The following AP5Z1 variants were observed in gnomAD, a reference collection of about 807,000 sequenced individuals.
AP5Z1 encodes the protein AP-5 complex subunit zeta-1.
A neutral mutation model predicts 83.0 loss-of-function variants in AP5Z1; 106 were observed. The observed-to-expected ratio is 1.28, with a 90% CI of 1.09 to 1.50. The LOEUF (loss-of-function observed/expected upper bound fraction) is 1.50. Ranked by LOEUF, AP5Z1 falls within the 40% of genes most tolerant of loss-of-function variation. AP5Z1 has a pLI of 0.00. For missense variants in AP5Z1, 1,565 were observed against 1,094.2 expected (o/e 1.43, Z -6.07); for synonymous variants, 751 against 514.1 (o/e 1.46, Z -6.23).
In AP5Z1 at chr7:4,783,737, C is replaced by G; in HGVS notation, c.560C>G (p.Ala187Gly). 6.4e-7 allele frequency: 1 copy of G among 1,550,728 alleles called. No individual in the cohort carries two copies. The highest frequency in any genetic ancestry group is 1.2e-5 in the South Asian group (1 of 84,076). The change falls in exon 5 of 17, where the codon GCC (alanine) becomes GGC (glycine). Residue 187 changes from alanine (A) to glycine (G), a missense_variant. By Grantham distance (60) the Ala-to-Gly change is moderately conservative (BLOSUM62 0). Coordinates refer to ENST00000649063, the MANE Select transcript of AP5Z1 (RefSeq NM_014855.3). The part of the protein sequence containing the change: ...SKRLVDWLRY[A>G]SLQQGLPHSG... Reference sequence around the variant, plus strand: ...CGGCTGGTCGACTGGCTGCGCTACGCCAGCCTCCAGCAAGGGCTCCCACAC... The same window carrying G: ...CGGCTGGTCGACTGGCTGCGCTACGGCAGCCTCCAGCAAGGGCTCCCACAC...
Position 4,789,837 on chromosome 7 carries a change from T to C in AP5Z1, c.1713T>C (p.Ala571=). The change falls in exon 14 of 17, where the codon GCT becomes GCC. Residue 571 remains alanine, a synonymous_variant. Coordinates refer to ENST00000649063, the MANE Select transcript of AP5Z1 (RefSeq NM_014855.3). ...QAFFSAVTQV[A]DGSLINQLAL... The stretch of plus-strand genomic sequence containing the variant: ...TTCCCACTCCTGACCCCCAGGTGGC[T>C]GACGGGTCCCTGATCAACCAGCTGG... 3.2e-6 allele frequency: 5 copies of C among 1,551,670 alleles called. No individual in the cohort carries two copies. Among genetic ancestry groups the C allele is most frequent in the Admixed American group, 2.0e-5 (1 of 51,208 alleles).
At position 4,789,683 on chromosome 7, in the gene AP5Z1, GTC is replaced by G. The variant is rs536984064; in HGVS notation, c.1708-145_1708-144del. The G allele has an allele frequency of 9.3e-4, 548 of 590,976 alleles. 1 individual carries two copies. The African/African-American group carries it at 9.4e-3, about 10-fold the overall frequency. The allele number at this position is 590,976 out of a possible 1,614,324, so 36.6% of individuals were successfully genotyped here. The stretch of plus-strand genomic sequence containing the variant: ...CCTGTGCCCGGATGCTGCCAGCTGA[GTC>G]TCTGTGTCCCTGGGTGTTGGGGAAG... On this transcript the variant is annotated intron_variant, in intron 13 of 16. Transcript: ENST00000649063.
At chr7:4,790,930 A>G in intron 16 of AP5Z1, 43 bp downstream of exon 16, 2 of 1,536,022 alleles carry the variant, frequency 1.3e-6, no homozygotes, top group African/African-American at 1.4e-5. Flanking sequence ...GCTCCTGGGG[A>G]AGAGAGGTGG....
At position 4,794,255 on chromosome 7, in the gene AP5Z1, C is replaced by G. The variant is rs1174214714; in HGVS notation, c.*2870C>G. The G allele has an allele frequency of 1.3e-5, 2 of 152,240 alleles. No homozygotes were observed. The highest frequency in any genetic ancestry group is 4.8e-5 in the African/African-American group (2 of 41,454). The allele number at this position is 152,240 out of a possible 1,614,324, so 9.4% of individuals were successfully genotyped here. A position where few individuals can be genotyped will look rare whatever the true frequency, so the allele number is the denominator to read the frequency against. On this transcript the variant is annotated 3_prime_UTR_variant, in exon 17 of 17. Coordinates refer to ENST00000649063, the MANE Select transcript of AP5Z1 (RefSeq NM_014855.3). ...CCCTGTCAAAACAGACCACTCGGCT[C>G]TACCAGTCAGCAGGATGTGGGTGGG...
At chr7:4,786,576 T>TG (rs1242022482) in intron 10 of AP5Z1, 148 bp downstream of exon 10, 1 of 855,964 alleles carries the variant, frequency 1.2e-6, no homozygotes, top group Non-Finnish European at 1.8e-6. Flanking sequence ...CAGGGTGAGG[T>TG]GGGGATCTGG....
rs753059791 is a variant in AP5Z1 at position 4,784,964 on chromosome 7, G to A, written c.847G>A (p.Ala283Thr). 1.2e-6 allele frequency: 2 copies of A among 1,611,968 alleles called. No homozygotes were observed. Among genetic ancestry groups the A allele is most frequent in the Non-Finnish European group, 8.5e-7 (1 of 1,179,462 alleles). ...GTCGGTGATCTCCGCCACCTCCTCT[G>A]CCGGCCGCCTGCTGCCGCCCCGGGA... ...TLSVISATSSAGRLLPPRERL... is the reference protein window; with the variant it reads ...TLSVISATSSTGRLLPPRERL... The change falls in exon 7 of 17, where the codon GCC (alanine) becomes ACC (threonine). Residue 283 changes from alanine to threonine, a missense_variant. Physicochemically the swap from Ala to Thr is moderately conservative, Grantham distance 58. Transcript: ENST00000649063.
rs771494868 is a variant in AP5Z1 at position 4,788,963 on chromosome 7, G to A, written c.1707+12G>A. 2.9e-5 allele frequency: 46 copies of A among 1,605,620 alleles called. No homozygotes were observed. Among genetic ancestry groups the A allele is most frequent in the Middle Eastern group, 1.6e-4 (1 of 6,062 alleles). On this transcript the variant is annotated intron_variant, in intron 13 of 16. Coordinates refer to ENST00000649063, the MANE Select transcript of AP5Z1 (RefSeq NM_014855.3). ...CAGCAGTGACCCAGGTGAGCTCGCT[G>A]CCTGGGGCCCCCCATTCCCACAGGC...
In AP5Z1 at chr7:4,776,562, C is replaced by CAA. The variant is rs55916241; in HGVS notation, c.41+828_41+829dup. Among the ~76,000 whole-genome samples, 99 of 82,388 alleles carry CAA rather than the reference C, an allele frequency of 1.2e-3. 1 individual carries two copies. Among genetic ancestry groups the CAA allele is most frequent in the Non-Finnish European group, 1.8e-3 (62 of 34,152 alleles). The allele number at this position is 82,388 out of a possible 152,430, so 54.0% of individuals were successfully genotyped here. A position where few individuals can be genotyped will look rare whatever the true frequency, so the allele number is the denominator to read the frequency against. On this transcript the variant is annotated intron_variant, in intron 1 of 16. Coordinates refer to ENST00000649063, the MANE Select transcript of AP5Z1 (RefSeq NM_014855.3). Reference sequence around the variant, plus strand: ...GGAAACCACGTCTCTACTGAAAATACAAAAAAAAAAAAAAAAAAAAAAATT... The same window carrying CAA: ...GGAAACCACGTCTCTACTGAAAATACAAAAAAAAAAAAAAAAAAAAAAAAATT...
chr7:4,781,492 A>G (rs972521101), intron 2 of AP5Z1, 76 bp from the exon 3 acceptor site: 26 of 1,558,652 alleles, frequency 1.7e-5, no homozygotes, highest in Non-Finnish European at 2.2e-5. Flanking sequence ...GTGCCCGGCC[A>G]GGTGCTCTGG....
Position 4,783,811 on chromosome 7 carries a change from C to A in AP5Z1, c.621+13C>A. 1.2e-5 allele frequency: 18 copies of A among 1,544,280 alleles called. No homozygotes were observed. The highest frequency in any genetic ancestry group is 1.6e-5 in the Non-Finnish European group (18 of 1,145,964). On this transcript the variant is annotated intron_variant, in intron 5 of 16. Transcript: ENST00000649063. The stretch of plus-strand genomic sequence containing the variant: ...CAGGGCCCGGCAGGTGAGGCTGGGA[C>A]TGTTCTGGAACCATGGGGAACAGAG...
Position 4,791,848 on chromosome 7 carries a change from G to C in AP5Z1, c.*463G>C. The C allele has an allele frequency of 6.2e-6, 1 of 162,026 alleles. No homozygotes were observed. Among genetic ancestry groups the C allele is most frequent in the Non-Finnish European group, 1.3e-5 (1 of 74,576 alleles). 10.0% of individuals were successfully genotyped at this position (162,026 alleles called of 1,614,324 possible). ...TGGGAACCCCTGGCAGCTGCTGCCA[G>C]TCCTGGAGGCTCAGCCCGGCGTGCC... On this transcript the variant is annotated 3_prime_UTR_variant, in exon 17 of 17. Transcript: ENST00000649063.
chr7:4,791,435 G>C lies in AP5Z1; in HGVS notation c.*50G>C, dbSNP rs940305977. On this transcript the variant is annotated 3_prime_UTR_variant, in exon 17 of 17. Transcript: ENST00000649063. ...TGCAGATTAAGAGCCTGGGCAGCCAGCTTGCTACTGAGGCCAGGCTGATAG... is the reference window on the plus strand; with the variant it reads ...TGCAGATTAAGAGCCTGGGCAGCCACCTTGCTACTGAGGCCAGGCTGATAG... The C allele has an allele frequency of 2.5e-5, 38 of 1,537,612 alleles. No homozygotes were observed. The Admixed American group carries it at 5.4e-4, about 22-fold the overall frequency.
chr7:4,786,503 G>T, intron 10 of AP5Z1, 75 bp downstream of exon 10: 2 of 1,545,738 alleles, frequency 1.3e-6, no homozygotes, highest in Non-Finnish European at 1.8e-6. Flanking sequence ...TTTCCAGCGG[G>T]GTTCAGGGCG....
intron 1 of AP5Z1, among the ~76,000 whole-genome samples, chr7:4,776,681 G>A (rs760444983): frequency 2.9e-4 from 44 of 152,124 alleles, no homozygotes; most frequent in Middle Eastern, 6.8e-3. Flanking sequence ...GTTACAGTGA[G>A]CTGAGATGGC....
intron 12 of AP5Z1, 126 bp downstream of exon 12, chr7:4,788,420 T>C: frequency 8.2e-7 from 1 of 1,215,512 alleles, no homozygotes; most frequent in Non-Finnish European, 1.1e-6. Context: ...CAAGGCTGCG[T>C]CCCCGTCATC....
chr7:4,780,205 C>T (rs1018792236), intron 1 of AP5Z1, among the ~76,000 whole-genome samples: 1 of 152,206 alleles, frequency 6.6e-6, no homozygotes, highest in African/African-American at 2.4e-5. Context: ...TGGGACTTTT[C>T]AGTATCTTAC....
At position 4,781,324 on chromosome 7, in the gene AP5Z1, G is replaced by A. The variant is rs200608438; in HGVS notation, c.179+12G>A. On this transcript the variant is annotated intron_variant, in intron 2 of 16. Transcript: ENST00000649063. ...AAGTACAGCCGGAGGTGAGTGTGGC[G>A]ACGGCTCAGGCCGGCTCCTCACACA... 6.8e-6 allele frequency: 11 copies of A among 1,612,374 alleles called. No individual in the cohort carries two copies. Among genetic ancestry groups the A allele is most frequent in the South Asian group, 2.2e-5 (2 of 91,036 alleles).
chr7:4,779,955 T>C (rs1433930544), intron 1 of AP5Z1, among the ~76,000 whole-genome samples: 1 of 152,092 alleles, frequency 6.6e-6, no homozygotes, highest in African/African-American at 2.4e-5. Flanking sequence ...ATTTTTTTTA[T>C]TCTTTTGTAG....
Position 4,783,753 on chromosome 7 carries a change from G to C in AP5Z1, c.576G>C (p.Gly192=). The C allele has an allele frequency of 6.4e-7, 1 of 1,550,844 alleles. No homozygotes were observed. Among genetic ancestry groups the C allele is most frequent in the Non-Finnish European group, 8.7e-7 (1 of 1,147,256 alleles). ...TGCGCTACGCCAGCCTCCAGCAAGG[G>C]CTCCCACACTCCGGCGGCTTCTTCT... ...DWLRYASLQQ[G]LPHSGGFFST... is the part of the protein sequence containing the mutation. Residue 192 remains glycine, a synonymous_variant, in exon 5 of 17, where the codon GGG becomes GGC. Coordinates refer to ENST00000649063, the MANE Select transcript of AP5Z1 (RefSeq NM_014855.3).
Sources: gnomAD v4.1 joint callset for allele counts (sites outside exome capture counted in the v4.1 genomes callset) on GRCh38, gnomAD v4.1.1 for gene constraint, MANE v1.5 for transcripts, NCBI Gene and HGNC (gene_info 2026-07-23, HGNC 2026-07-21) for gene names.